RAB8B: variants seen among roughly 807,000 people sequenced by gnomAD.
The protein encoded by RAB8B is RAB8B, member RAS oncogene family, also known as ras-related protein Rab-8B.
Under a neutral mutation model 32.0 loss-of-function variants are expected in RAB8B, and 11 were observed. That is an observed-to-expected ratio of 0.34 (90% CI 0.22 to 0.57). RAB8B has a LOEUF of 0.57. RAB8B is among the 20% of genes least tolerant of loss of function. RAB8B has a pLI of 0.86. For missense variants in RAB8B, 190 were observed against 258.5 expected (o/e 0.73, Z 1.82); for synonymous variants, 103 against 89.6 (o/e 1.15, Z -0.85).
In RAB8B at chr15:63,262,694, A is replaced by G; in HGVS notation, c.483A>G (p.Ala161=). ...SAKSSANVEE[A]FFTLARDIMT... is the part of the protein sequence containing the mutation. Reference sequence around the variant, plus strand: ...AAAATGTTTTGTTTTACCTATAGGCATTTTTTACACTTGCACGAGATATAA... The same window carrying G: ...AAAATGTTTTGTTTTACCTATAGGCGTTTTTTACACTTGCACGAGATATAA... The change falls in exon 7 of 8, where the codon GCA becomes GCG. Residue 161 remains alanine, a splice_region_variant and synonymous_variant. Transcript: ENST00000321437. The G allele has an allele frequency of 7.0e-7, 1 of 1,420,388 alleles. No homozygotes were observed. The highest frequency in any genetic ancestry group is 1.5e-5 in the African/African-American group (1 of 66,558). The allele number at this position is 1,420,388 out of a possible 1,614,324, so 88.0% of individuals were successfully genotyped here. A position where few individuals can be genotyped will look rare whatever the true frequency, so the allele number is the denominator to read the frequency against.
chr15:63,214,544 G>A (rs12915375), intron 1 of RAB8B, among the ~76,000 whole-genome samples: 21,274 of 151,806 alleles, frequency 0.14, 1,935 homozygotes, highest in East Asian at 0.46. Flanking sequence ...TGCCCACCAC[G>A]GCTTCTCACT....
Position 63,264,653 on chromosome 15 carries a change from C to T in RAB8B, c.*1034C>T, listed in dbSNP as rs1416100625. The T allele has an allele frequency of 6.6e-6, 1 of 152,174 alleles. No individual in the cohort carries two copies. Among genetic ancestry groups the T allele is most frequent in the Non-Finnish European group, 1.5e-5 (1 of 68,030 alleles). The allele number at this position is 152,174 out of a possible 1,614,324, so 9.4% of individuals were successfully genotyped here. On this transcript the variant is annotated 3_prime_UTR_variant, in exon 8 of 8. Transcript: ENST00000321437. ...TGCGGAAACCTTCCCTATATAGAGA[C>T]AGATTAACTTGTTGATATAAATTTA...
At chr15:63,257,744 G>C (rs1380906241) in intron 5 of RAB8B, among the ~76,000 whole-genome samples, 1 of 151,922 alleles carries the variant, frequency 6.6e-6, no homozygotes, top group Non-Finnish European at 1.5e-5. Context: ...TTAAGTTTTT[G>C]TTCAATTCTG....
intron 1 of RAB8B, among the ~76,000 whole-genome samples, chr15:63,220,361 T>G (rs1245664239): frequency 6.6e-6 from 1 of 152,236 alleles, no homozygotes; most frequent in Non-Finnish European, 1.5e-5. Flanking sequence ...TTAAGAAAAT[T>G]ATTCTAGAAT....
At chr15:63,249,788 T>G in intron 3 of RAB8B, 83 bp downstream of exon 3, 1 of 1,397,692 alleles carries the variant, frequency 7.2e-7, no homozygotes, top group African/African-American at 1.4e-5. Context: ...GGATTCAAGA[T>G]GGAGTCTAGT....
rs911188275 is a variant in RAB8B, at chr15:63,263,918, A to G, written c.*299A>G. The G allele has an allele frequency of 1.5e-5, 4 of 266,324 alleles. No individual in the cohort carries two copies. The highest frequency in any genetic ancestry group is 8.9e-5 in the African/African-American group (4 of 45,184). The allele number at this position is 266,324 out of a possible 1,614,324, so 16.5% of individuals were successfully genotyped here. On this transcript the variant is annotated 3_prime_UTR_variant, in exon 8 of 8. Coordinates refer to ENST00000321437, the MANE Select transcript of RAB8B (RefSeq NM_016530.3). ...ATCTTTCTTTTTTACTTTGCACATC[A>G]GTGTTAGCCTTTCCCTATTTCAGCA...
intron 3 of RAB8B, among the ~76,000 whole-genome samples, chr15:63,251,790 G>T (rs750027889): frequency 3.4e-4 from 52 of 152,206 alleles, no homozygotes; most frequent in Non-Finnish European, 6.0e-4. Flanking sequence ...CACCATCTTG[G>T]ATAAATCTTC....
chr15:63,208,337 T>A (rs894993), intron 1 of RAB8B, among the ~76,000 whole-genome samples: 145,823 of 152,290 alleles, frequency 0.96, 69,862 homozygotes, highest in East Asian at 1. Flanking sequence ...AGTCTCTGAG[T>A]TGATGTGCTT....
rs112861248 is a variant in RAB8B, at chr15:63,250,610, A to C, written c.246+905A>C. Among the ~76,000 whole-genome samples, 1,391 of 152,102 alleles carry C rather than the reference A, an allele frequency of 9.1e-3. 35 individuals carry two copies. Among genetic ancestry groups the C allele is most frequent in the African/African-American group, 0.03 (1,254 of 41,454 alleles). ...CTTTTATTGCTTTTTGGCTCTGGGC[A>C]GTGTGATGCTGGGAGTGCAGTGGTG... On this transcript the variant is annotated intron_variant, in intron 3 of 7. Transcript: ENST00000321437.
chr15:63,198,939 C>T (rs573147715), intron 1 of RAB8B, among the ~76,000 whole-genome samples: 26 of 152,144 alleles, frequency 1.7e-4, no homozygotes, highest in Non-Finnish European at 2.9e-4. Flanking sequence ...CAGTGACTAA[C>T]CCTTCTGTAA....
In RAB8B at chr15:63,256,608, G is replaced by T; in HGVS notation, c.414+14G>T. 2 of 1,549,456 alleles carry T rather than the reference G, an allele frequency of 1.3e-6. No homozygotes were observed. The highest frequency in any genetic ancestry group is 2.3e-5 in the South Asian group (2 of 86,122). On this transcript the variant is annotated intron_variant, in intron 5 of 7. Coordinates refer to ENST00000321437, the MANE Select transcript of RAB8B (RefSeq NM_016530.3). ...AGAGGGGAGAAGGTAAATGTGAATGGAATGGATAAAGGTTGGAATCTACTC... is the reference window on the plus strand; with the variant it reads ...AGAGGGGAGAAGGTAAATGTGAATGTAATGGATAAAGGTTGGAATCTACTC...
chr15:63,200,605 TAGTG>T (rs2037639220), intron 1 of RAB8B, among the ~76,000 whole-genome samples: 1 of 142,460 alleles, frequency 7.0e-6, no homozygotes. Context: ...CTAGGCAACA[TAGTG>T]AGACACTCAA....
chr15:63,243,690 T>G (rs1013455843), intron 1 of RAB8B, among the ~76,000 whole-genome samples: 1 of 152,016 alleles, frequency 6.6e-6, no homozygotes, highest in South Asian at 2.1e-4. Context: ...ATCTCAGAAT[T>G]TGGGGAAGGG....
In RAB8B at chr15:63,222,642, A is replaced by C. The variant is rs537407579; in HGVS notation, c.125-22114A>C. Among the ~76,000 whole-genome samples the C allele has an allele frequency of 2.0e-5, 3 of 152,252 alleles. No homozygotes were observed. The East Asian group carries it at 5.8e-4, about 29-fold the overall frequency. On this transcript the variant is annotated intron_variant, in intron 1 of 7. Coordinates refer to ENST00000321437, the MANE Select transcript of RAB8B (RefSeq NM_016530.3). ...AACCTCCGCTTCCTGGGCGCAAGCA[A>C]TTCTCCTGCCTCAGCCTCCCGAGTA...
intron 1 of RAB8B, among the ~76,000 whole-genome samples, chr15:63,236,109 A>G (rs2037977848): frequency 6.6e-6 from 1 of 152,172 alleles, no homozygotes; most frequent in Non-Finnish European, 1.5e-5. Flanking sequence ...CACAGACAGG[A>G]CTGAACTAAA....
intron 1 of RAB8B, among the ~76,000 whole-genome samples, chr15:63,207,981 A>T (rs998990406): frequency 2.0e-5 from 3 of 152,036 alleles, no homozygotes; most frequent in African/African-American, 7.2e-5. Flanking sequence ...CTTCTAAGTG[A>T]CCCGAGCACT....
At chr15:63,242,778 G>A (rs2038042928) in intron 1 of RAB8B, among the ~76,000 whole-genome samples, 1 of 151,904 alleles carries the variant, frequency 6.6e-6, no homozygotes, top group South Asian at 2.1e-4. Flanking sequence ...ACTTTAAGGG[G>A]TTCTATATAG....
At chr15:63,246,029 C>T (rs1176751431) in intron 2 of RAB8B, among the ~76,000 whole-genome samples, 8 of 152,134 alleles carry the variant, frequency 5.3e-5, no homozygotes, top group African/African-American at 1.4e-4. Flanking sequence ...TGCGCTACCA[C>T]GCCCTGCTAT....
intron 1 of RAB8B, among the ~76,000 whole-genome samples, chr15:63,209,601 A>G (rs1398094668): frequency 1.3e-5 from 2 of 152,146 alleles, no homozygotes; most frequent in African/African-American, 2.4e-5. Flanking sequence ...ATAAAATAAA[A>G]TAAGAAAGAA....
Sources: allele counts gnomAD v4.1 joint callset (sites outside exome capture counted in the v4.1 genomes callset), GRCh38; gene constraint gnomAD v4.1.1; transcripts MANE v1.5; gene names NCBI Gene and HGNC (gene_info 2026-07-23, HGNC 2026-07-21).